Variants in ATP1A4 observed in about 807,000 individuals in gnomAD.
ATP1A4 encodes sodium/potassium-transporting ATPase subunit alpha-4.
Under a neutral mutation model 114.3 loss-of-function variants are expected in ATP1A4, and 90 were observed. The ratio of observed to expected loss-of-function variants is 0.79; its 90% CI spans 0.66 to 0.94. The LOEUF (loss-of-function observed/expected upper bound fraction) is 0.94. Ranked by LOEUF, ATP1A4 falls within the 40% of genes least tolerant of loss-of-function variation. The pLI is 0.00. For missense variants in ATP1A4, 1,222 were observed against 1,313.6 expected, an observed-to-expected ratio of 0.93 and a Z score of 1.08; for synonymous variants, 511 against 494.1, an observed-to-expected ratio of 1.03 and a Z score of -0.45.
At chr1:160,169,200 C>CTCCA (rs1451453761) in intron 10 of ATP1A4, among the ~76,000 whole-genome samples, 1 of 152,220 alleles carries the variant, frequency 6.6e-6, no homozygotes, top group Admixed American at 6.5e-5. Context: ...AAGGTGGAGA[C>CTCCA]TCCAGTCTTT....
chr1:160,155,217 T>C lies in ATP1A4; in HGVS notation c.380T>C (p.Ile127Thr). The part of the protein sequence containing the change: ...ILCFVAYSIQ[I>T]YFNEEPTKDN... ...TGCTTTGTGGCCTACAGCATCCAGA[T>C]ATATTTCAATGAGGAGCCTACCAAA... The change falls in exon 3 of 22, where the codon ATA becomes ACA. Residue 127 changes from isoleucine (I) to threonine (T), a missense_variant. Physicochemically the swap from Ile to Thr is moderately conservative, Grantham distance 89. Transcript: ENST00000368081. The C allele has an allele frequency of 6.2e-7, 1 of 1,613,666 alleles. No homozygotes were observed.
rs984870492 is a variant in ATP1A4, at chr1:160,152,252, C to T, written c.147+65C>T. The T allele has an allele frequency of 3.2e-6, 5 of 1,545,524 alleles. No homozygotes were observed. The African/African-American group carries it at 5.5e-5, about 17-fold the overall frequency. Reference sequence around the variant, plus strand: ...AAAACACTCCTCCACCTATCTTTAACATCTTACCTTGAGAATGAAACACAC... The same window carrying T: ...AAAACACTCCTCCACCTATCTTTAATATCTTACCTTGAGAATGAAACACAC... On this transcript the variant is annotated intron_variant, in intron 1 of 21. Coordinates refer to ENST00000368081, the MANE Select transcript of ATP1A4 (RefSeq NM_144699.4).
chr1:160,186,162 C>T, intron 20 of ATP1A4, 114 bp from the exon 21 acceptor site: 1 of 770,646 alleles, frequency 1.3e-6, no homozygotes, highest in South Asian at 1.3e-5. Context: ...AGCACAGTCC[C>T]ACGCACACAG....
intron 1 of ATP1A4, 59 bp downstream of exon 1, chr1:160,152,246 C>A: frequency 6.4e-7 from 1 of 1,558,536 alleles, no homozygotes; most frequent in Non-Finnish European, 8.7e-7. Flanking sequence ...CTCCACCTAT[C>A]TTTAACATCT....
Position 160,174,123 on chromosome 1 carries a change from C to T in ATP1A4, c.2004C>T (p.Ala668=). The T allele has an allele frequency of 6.2e-7, 1 of 1,613,876 alleles. No individual in the cohort carries two copies. Among genetic ancestry groups the T allele is most frequent in the Non-Finnish European group, 8.5e-7 (1 of 1,179,938 alleles). ...TATTTTCCCTCAGTGCTGCCAAAGC[C>T]ATTGTGGTGCATGGTGCAGAACTGA... ...ISKVDASAAK[A]IVVHGAELKD... Residue 668 remains alanine (A), a synonymous_variant, in exon 14 of 22, where the codon GCC becomes GCT. Coordinates refer to ENST00000368081, the MANE Select transcript of ATP1A4 (RefSeq NM_144699.4).
chr1:160,186,620 G>T, intron 21 of ATP1A4, 51 bp from the exon 22 acceptor site: 1 of 1,592,386 alleles, frequency 6.3e-7, no homozygotes, highest in African/African-American at 1.3e-5. Flanking sequence ...GTCTCCCCTG[G>T]ATGCCTCTAA....
chr1:160,152,615 A>G (rs750382162), intron 1 of ATP1A4, among the ~76,000 whole-genome samples: 2 of 152,046 alleles, frequency 1.3e-5, no homozygotes, highest in Non-Finnish European at 2.9e-5. Context: ...TGTGATAGGG[A>G]TGTTTCTTTA....
chr1:160,166,519 T>C lies in ATP1A4; in HGVS notation c.1048-9T>C. ...CCATGTGTATTCTCTCCTCTCTTCT[T>C]GGCTTTAGGTGTGCCTGACCCTCAC... On this transcript the variant is annotated splice_polypyrimidine_tract_variant and intron_variant, in intron 7 of 21. Coordinates refer to ENST00000368081, the MANE Select transcript of ATP1A4 (RefSeq NM_144699.4). 1.2e-6 allele frequency: 2 copies of C among 1,614,194 alleles called. No individual in the cohort carries two copies. The highest frequency in any genetic ancestry group is 3.3e-5 in the Admixed American group (2 of 60,032).
At chr1:160,164,056 GT>G in intron 6 of ATP1A4, 99 bp from the exon 7 acceptor site, 1 of 1,462,686 alleles carries the variant, frequency 6.8e-7, no homozygotes, top group Non-Finnish European at 9.2e-7. Flanking sequence ...ATCTTTAAGG[GT>G]TTTTAGAAGC....
In ATP1A4 at chr1:160,159,421, T is replaced by C. The variant is rs1482905623; in HGVS notation, c.673T>C (p.Ser225Pro). Reference sequence around the variant, plus strand: ...TCTCCCATCCCAGGTGGACAACTCATCCTTGACTGGGGAGTCAGAACCCCA... The same window carrying C: ...TCTCCCATCCCAGGTGGACAACTCACCCTTGACTGGGGAGTCAGAACCCCA... ...SAQGCKVDNS[S>P]LTGESEPQSR... is the part of the protein sequence containing the mutation. The change falls in exon 6 of 22, where the codon TCC (serine) becomes CCC (proline). Residue 225 changes from serine (S) to proline (P), a missense_variant. Transcript: ENST00000368081. 2 of 1,612,880 alleles carry C rather than the reference T, an allele frequency of 1.2e-6. No homozygotes were observed. The highest frequency in any genetic ancestry group is 1.7e-6 in the Non-Finnish European group (2 of 1,179,702).
At chr1:160,163,503 C>G (rs1652928464) in intron 6 of ATP1A4, among the ~76,000 whole-genome samples, 1 of 152,098 alleles carries the variant, frequency 6.6e-6, no homozygotes, top group Non-Finnish European at 1.5e-5. Context: ...CTTAGGTTTA[C>G]CCATTATTAT....
Position 160,156,044 on chromosome 1 carries a change from G to C in ATP1A4, c.412-1G>C. 6.2e-7 allele frequency: 1 copy of C among 1,600,514 alleles called. No homozygotes were observed. The highest frequency in any genetic ancestry group is 1.1e-5 in the South Asian group (1 of 90,776). On this transcript the variant is annotated splice_acceptor_variant, in intron 3 of 21. Coordinates refer to ENST00000368081, the MANE Select transcript of ATP1A4 (RefSeq NM_144699.4). LOFTEE classifies it high-confidence loss of function. ...TAAACGCTTTCTTTCCCCACCCTCA[G>C]CTCTACCTGAGCATCGTACTGTCCG...
intron 7 of ATP1A4, among the ~76,000 whole-genome samples, chr1:160,165,915 A>G (rs547070399): frequency 2.5e-4 from 38 of 152,266 alleles, no homozygotes; most frequent in Non-Finnish European, 4.4e-4. Flanking sequence ...ATCCTGAGGG[A>G]GCAGAATATT....
At chr1:160,169,075 C>A (rs1653145250) in intron 10 of ATP1A4, among the ~76,000 whole-genome samples, 1 of 152,356 alleles carries the variant, frequency 6.6e-6, no homozygotes, top group South Asian at 2.1e-4. Flanking sequence ...GCTCAAATGG[C>A]AGACTTGTCC....
intron 14 of ATP1A4, 42 bp downstream of exon 14, chr1:160,174,303 C>T (rs765182490): frequency 5.6e-6 from 9 of 1,613,056 alleles, no homozygotes; most frequent in African/African-American, 1.3e-5. Flanking sequence ...GGCAGAACTC[C>T]TGTGGCTTAG....
chr1:160,171,452 T>G lies in ATP1A4; in HGVS notation c.1681+12T>G. On this transcript the variant is annotated intron_variant, in intron 11 of 21. Transcript: ENST00000368081. The stretch of plus-strand genomic sequence containing the variant: ...GGAACGTGTGCTAGGTGAGGAGCTT[T>G]GGGAGAAGTTTTTAAAAGAATGGCA... 6.2e-7 allele frequency: 1 copy of G among 1,611,120 alleles called. No homozygotes were observed. The highest frequency in any genetic ancestry group is 8.5e-7 in the Non-Finnish European group (1 of 1,177,982).
intron 19 of ATP1A4, 46 bp downstream of exon 19, chr1:160,181,860 A>G (rs1383501118): frequency 6.2e-7 from 1 of 1,613,210 alleles, no homozygotes; most frequent in Non-Finnish European, 8.5e-7. Context: ...AGCCCCACAC[A>G]CCAGGACATG....
In ATP1A4 at chr1:160,166,423, T is replaced by C. The variant is rs910298238; in HGVS notation, c.1048-105T>C. On this transcript the variant is annotated intron_variant, in intron 7 of 21. Transcript: ENST00000368081. ...TAGGTGGGAACAAAAGGGAAGTAAGTACAAAAAATCAAAATAGCATTAAAA... is the reference window on the plus strand; with the variant it reads ...TAGGTGGGAACAAAAGGGAAGTAAGCACAAAAAATCAAAATAGCATTAAAA... 5 of 1,411,138 alleles carry C rather than the reference T, an allele frequency of 3.5e-6. No homozygotes were observed. In the African/African-American group the frequency reaches 5.8e-5, roughly 16 times the overall value. The allele number at this position is 1,411,138 out of a possible 1,614,324, so 87.4% of individuals were successfully genotyped here. A position where few individuals can be genotyped will look rare whatever the true frequency, so the allele number is the denominator to read the frequency against.
chr1:160,168,772 C>T (rs1263951049), intron 10 of ATP1A4, among the ~76,000 whole-genome samples: 4 of 152,168 alleles, frequency 2.6e-5, no homozygotes, highest in Non-Finnish European at 5.9e-5. Context: ...CCTTTTCTGT[C>T]TCAACTGGTT....
Sources: allele counts gnomAD v4.1 joint callset (sites outside exome capture counted in the v4.1 genomes callset), GRCh38; gene constraint gnomAD v4.1.1; transcripts MANE v1.5; gene names NCBI Gene and HGNC (gene_info 2026-07-23, HGNC 2026-07-21).